MAGI1: variants seen among roughly 807,000 people sequenced by gnomAD.
The protein encoded by MAGI1 is membrane associated guanylate kinase, WW and PDZ domain containing 1, also known as membrane-associated guanylate kinase, WW and PDZ domain-containing protein 1.
In MAGI1, 58 loss-of-function variants were observed where a neutral mutation model predicts 139.9. That is an observed-to-expected ratio of 0.41 (90% CI 0.34 to 0.52). The LOEUF (loss-of-function observed/expected upper bound fraction) is 0.52. Among genes scored for constraint, MAGI1 ranks in the 20% least tolerant of loss-of-function variants. MAGI1 has a pLI of 0.12. For missense variants in MAGI1, 1,874 were observed against 1,901.6 expected, an observed-to-expected ratio of 0.99 and a Z score of 0.27; for synonymous variants, 812 against 737.9, an observed-to-expected ratio of 1.10 and a Z score of -1.63.
chr3:65,440,670 C>A (rs766024218), intron 8 of MAGI1, among the ~76,000 whole-genome samples: 1 of 151,984 alleles, frequency 6.6e-6, no homozygotes, highest in Admixed American at 6.6e-5. Flanking sequence ...CATAGAGGCA[C>A]AATTAAAAGT....
At position 65,437,186 on chromosome 3, in the gene MAGI1, A is replaced by G; in HGVS notation, c.1332T>C (p.Asn444=). The G allele has an allele frequency of 1.2e-6, 2 of 1,611,422 alleles. No individual in the cohort carries two copies. Among genetic ancestry groups the G allele is most frequent in the Non-Finnish European group, 1.7e-6 (2 of 1,177,836 alleles). The change falls in exon 10 of 23, where the codon AAT becomes AAC. Residue 444 remains asparagine (N), a synonymous_variant. Coordinates refer to ENST00000402939, the MANE Select transcript of MAGI1 (RefSeq NM_001033057.2). ...PPVIPNHPPS[N]PEPAREVPLQ... is the part of the protein sequence containing the mutation. Reference sequence around the variant, plus strand: ...GTGGAACTTCTCTGGCTGGCTCTGGATTGCTTGGAGGGTGGTTTGGAATAA... The same window carrying G: ...GTGGAACTTCTCTGGCTGGCTCTGGGTTGCTTGGAGGGTGGTTTGGAATAA...
intron 1 of MAGI1, among the ~76,000 whole-genome samples, chr3:65,842,093 G>C (rs1235793739): frequency 6.6e-6 from 1 of 152,082 alleles, no homozygotes; most frequent in Non-Finnish European, 1.5e-5. Flanking sequence ...GAAGAGTATT[G>C]ACTCAAATTT....
At chr3:65,529,063 C>A (rs1249957917) in intron 2 of MAGI1, among the ~76,000 whole-genome samples, 5 of 151,328 alleles carry the variant, frequency 3.3e-5, no homozygotes, top group Non-Finnish European at 5.9e-5. Flanking sequence ...ACCAACCAAC[C>A]AACAAAAAAC....
chr3:65,730,910 G>GT (rs5849687), intron 1 of MAGI1, among the ~76,000 whole-genome samples: 81 of 145,296 alleles, frequency 5.6e-4, no homozygotes, highest in East Asian at 1.7e-3. Context: ...CGGGGTTTTT[G>GT]TTTTTTTTTT....
At chr3:65,392,912 A>G (rs1448596478) in intron 13 of MAGI1, among the ~76,000 whole-genome samples, 1 of 152,152 alleles carries the variant, frequency 6.6e-6, no homozygotes, top group Non-Finnish European at 1.5e-5. Context: ...AAATTTGAGG[A>G]CCATATTCTA....
Position 65,356,730 on chromosome 3 carries a change from C to T in MAGI1, c.4037G>A (p.Arg1346Lys), listed in dbSNP as rs760652364. The T allele has an allele frequency of 6.3e-7, 1 of 1,594,412 alleles. No homozygotes were observed. Among genetic ancestry groups the T allele is most frequent in the East Asian group, 2.2e-5 (1 of 44,670 alleles). Residue 1346 changes from arginine to lysine, a missense_variant, in exon 23 of 23, where the codon AGA (arginine) becomes AAA (lysine). Around this residue, in one of 5 missense-constraint regions of MAGI1, gnomAD observed 653 missense variants for 644.5 expected, o/e 1.01. Transcript: ENST00000402939. Reference sequence around the variant, plus strand: ...CCTCCGCTCCGGAGAGACGTCTCGTCTCTTCTCGTGCTTCTCCCTCCTCTC... The same window carrying T: ...CCTCCGCTCCGGAGAGACGTCTCGTTTCTTCTCGTGCTTCTCCCTCCTCTC... ...TLERREKHEK[R>K]RDVSPERRRE... is the part of the protein sequence containing the mutation.
At chr3:65,931,962 A>G (rs1204299078) in intron 1 of MAGI1, among the ~76,000 whole-genome samples, 1 of 152,220 alleles carries the variant, frequency 6.6e-6, no homozygotes, top group East Asian at 1.9e-4. Context: ...ATTTTTAAAT[A>G]CTTTCCTGAA....
chr3:66,021,419 C>T (rs906650212), intron 1 of MAGI1, among the ~76,000 whole-genome samples: 4 of 152,170 alleles, frequency 2.6e-5, no homozygotes, highest in African/African-American at 9.7e-5. Flanking sequence ...AACACATATG[C>T]ACACACCTAG....
chr3:65,974,395 ATGGGTGGATGGG>A (rs1355529427), intron 1 of MAGI1, among the ~76,000 whole-genome samples: 6 of 134,040 alleles, frequency 4.5e-5, no homozygotes, highest in East Asian at 2.3e-4. Context: ...GGCTGGGTGG[ATGGGTGGATGGG>A]TGGATGGATG....
intron 5 of MAGI1, among the ~76,000 whole-genome samples, chr3:65,460,142 G>A (rs962118802): frequency 6.6e-6 from 1 of 152,100 alleles, no homozygotes; most frequent in African/African-American, 2.4e-5. Flanking sequence ...TTTCTGCATC[G>A]ATTCATATGA....
intron 1 of MAGI1, among the ~76,000 whole-genome samples, chr3:65,916,781 A>G (rs2061928075): frequency 6.6e-6 from 1 of 152,002 alleles, no homozygotes; most frequent in Admixed American, 6.6e-5. Flanking sequence ...TCATACACAC[A>G]CTAACACACA....
chr3:65,609,572 T>G (rs567768018), intron 2 of MAGI1, among the ~76,000 whole-genome samples: 11 of 151,012 alleles, frequency 7.3e-5, no homozygotes, highest in Non-Finnish European at 7.4e-5. Flanking sequence ...AGCCACCGGG[T>G]TTTTTTTGTT....
chr3:65,496,481 A>G (rs758308308), intron 2 of MAGI1, among the ~76,000 whole-genome samples: 2 of 152,230 alleles, frequency 1.3e-5, no homozygotes, highest in African/African-American at 2.4e-5. Context: ...CAAGATATGG[A>G]CTAGAATAGG....
At position 65,493,509 on chromosome 3, in the gene MAGI1, C is replaced by T. The variant is rs1310662956; in HGVS notation, c.550+3G>A. 20 of 1,614,038 alleles carry T rather than the reference C, an allele frequency of 1.2e-5. No individual in the cohort carries two copies. The highest frequency in any genetic ancestry group is 1.6e-5 in the Non-Finnish European group (19 of 1,180,034). On this transcript the variant is annotated splice_donor_region_variant and intron_variant, in intron 3 of 22. Coordinates refer to ENST00000402939, the MANE Select transcript of MAGI1 (RefSeq NM_001033057.2). ...TTTTTATGCTGTCGTACAAGTAACT[C>T]ACCTTCATAGGTGCCGACTTCCAGA... is the stretch of plus-strand genomic sequence containing the variant.
chr3:65,825,806 G>A (rs1327324406), intron 1 of MAGI1, among the ~76,000 whole-genome samples: 1 of 152,036 alleles, frequency 6.6e-6, no homozygotes. Context: ...TGGCCAGTAT[G>A]GTGAAACCCC....
chr3:65,430,205 A>G, intron 11 of MAGI1, 65 bp from the exon 12 acceptor site: 1 of 1,513,086 alleles, frequency 6.6e-7, no homozygotes, highest in Non-Finnish European at 9.1e-7. Flanking sequence ...CAGTATTATA[A>G]TATCTCCCAC....
intron 1 of MAGI1, among the ~76,000 whole-genome samples, chr3:65,877,937 T>C (rs74647462): frequency 0.028 from 4,191 of 151,836 alleles, 160 homozygotes; most frequent in East Asian, 0.11. Flanking sequence ...TGAGACACTG[T>C]CTCTACAAAA....
chr3:65,908,337 A>G (rs1276151515), intron 1 of MAGI1, among the ~76,000 whole-genome samples: 1 of 151,636 alleles, frequency 6.6e-6, no homozygotes, highest in Non-Finnish European at 1.5e-5. Flanking sequence ...AGAGTCTTAC[A>G]CTGTCACCCA....
intron 4 of MAGI1, among the ~76,000 whole-genome samples, chr3:65,475,850 G>A (rs752855173): frequency 5.9e-5 from 9 of 151,886 alleles, no homozygotes; most frequent in African/African-American, 9.7e-5. Flanking sequence ...CAGTCCCAAC[G>A]TTACTTAGGC....
Sources: allele counts gnomAD v4.1 joint callset (sites outside exome capture counted in the v4.1 genomes callset), GRCh38; gene constraint gnomAD v4.1.1; regional missense constraint gnomAD v4.1.1; transcripts MANE v1.5; gene names NCBI Gene and HGNC (gene_info 2026-07-23, HGNC 2026-07-21).